Variants in BICRA observed in about 807,000 individuals in gnomAD.
BICRA encodes the protein BRD4-interacting chromatin-remodeling complex-associated protein.
A neutral mutation model predicts 96.9 loss-of-function variants in BICRA; 31 were observed. The observed-to-expected ratio is 0.32, with a 90% CI of 0.24 to 0.43. BICRA has a LOEUF of 0.43. Among genes scored for constraint, BICRA ranks in the 20% least tolerant of loss-of-function variants. BICRA has a pLI of 1.00. For missense variants in BICRA, 2,283 were observed against 2,190.3 expected, an observed-to-expected ratio of 1.04 and a Z score of -0.84; for synonymous variants, 1,350 against 1,071.8, an observed-to-expected ratio of 1.26 and a Z score of -5.07.
intron 1 of BICRA, among the ~76,000 whole-genome samples, chr19:47,627,812 C>G (rs1972162663): frequency 6.6e-6 from 1 of 152,120 alleles, no homozygotes; most frequent in Non-Finnish European, 1.5e-5. Context: ...CTCTGTTGCC[C>G]AGGCTGGAGT....
Position 47,694,110 on chromosome 19 carries a change from C to CCCCCCCCAA in BICRA, c.2284-3_2284-2insCCCCCAACC. 1 of 1,430,758 alleles carries CCCCCCCCAA rather than the reference C, an allele frequency of 7.0e-7. No individual in the cohort carries two copies. Among genetic ancestry groups the CCCCCCCCAA allele is most frequent in the Non-Finnish European group, 9.3e-7 (1 of 1,079,590 alleles). 88.6% of individuals were successfully genotyped at this position (1,430,758 alleles called of 1,614,324 possible). The stretch of plus-strand genomic sequence containing the variant: ...CCCTCCCCTCTCCCTCCCTCCCCTG[C>CCCCCCCCAA]CCAGATCCCGGCAGCGGCTCCGCTG... On this transcript the variant is annotated splice_polypyrimidine_tract_variant and splice_region_variant and intron_variant, in intron 7 of 14. Coordinates refer to ENST00000594866, the MANE Select transcript of BICRA (RefSeq NM_001394372.1).
intron 6 of BICRA, among the ~76,000 whole-genome samples, 190 bp downstream of exon 6, chr19:47,681,466 G>A (rs1973058539): frequency 6.6e-6 from 1 of 152,226 alleles, no homozygotes; most frequent in South Asian, 2.1e-4. Flanking sequence ...GAACTGGCAG[G>A]AAGATGGATT....
intron 1 of BICRA, among the ~76,000 whole-genome samples, chr19:47,630,912 CTTTTA>C (rs1358452310): frequency 6.6e-6 from 1 of 152,010 alleles, no homozygotes; most frequent in African/African-American, 2.4e-5. Flanking sequence ...TTGTTGTAGT[CTTTTA>C]TTTTTTTTCC....
chr19:47,697,780 G>C (rs2081219395), intron 11 of BICRA, among the ~76,000 whole-genome samples: 1 of 152,114 alleles, frequency 6.6e-6, no homozygotes. Flanking sequence ...GCCCGGCCTA[G>C]GTTGGTCTGA....
Position 47,648,085 on chromosome 19 carries a change from T to C in BICRA, c.-107-22358T>C, listed in dbSNP as rs371002052. Among the ~76,000 whole-genome samples the C allele has an allele frequency of 9.2e-5, 14 of 152,040 alleles. No homozygotes were observed. The East Asian group carries it at 2.1e-3, about 23-fold the overall frequency. ...GTGGAGCGTCTGCCTTCTCTCCGTC[T>C]CCCTGTTTTCCTGTTACCGTCTCCC... On this transcript the variant is annotated intron_variant, in intron 1 of 14. Coordinates refer to ENST00000594866, the MANE Select transcript of BICRA (RefSeq NM_001394372.1).
At chr19:47,647,563 G>T (rs951314065) in intron 1 of BICRA, among the ~76,000 whole-genome samples, 2 of 152,086 alleles carry the variant, frequency 1.3e-5, no homozygotes, top group African/African-American at 2.4e-5. Context: ...TCCATAGACA[G>T]TAGGTCCTGT....
Position 47,699,338 on chromosome 19 carries a change from C to T in BICRA, c.3528C>T (p.Asp1176=), listed in dbSNP as rs1307240177. Residue 1176 remains aspartate (D), a synonymous_variant, in exon 14 of 15, where the codon GAC becomes GAT. Transcript: ENST00000594866. This position sits in a 1 kb window ranked among gnomAD's most constrained non-coding sequence, Gnocchi z 5.0. ...CCTCAGCGGAGATGGTAATGATCGA[C>T]CGAATGTTCATTCAGGAGGAGAAGA... ...VSPSAEMVMI[D]RMFIQEEKTT... The T allele has an allele frequency of 1.3e-6, 2 of 1,570,042 alleles. No homozygotes were observed. The highest frequency in any genetic ancestry group is 1.7e-6 in the Non-Finnish European group (2 of 1,157,654).
intron 1 of BICRA, among the ~76,000 whole-genome samples, chr19:47,612,618 T>TG (rs548839643): frequency 4.1e-3 from 587 of 144,316 alleles, no homozygotes; most frequent in Non-Finnish European, 6.9e-3. Flanking sequence ...CTGTAGGGGC[T>TG]GGGGGGCTGA....
rs764672157 is a variant in BICRA, at chr19:47,680,371, G to A, written c.1201G>A (p.Ala401Thr). 12 of 1,530,318 alleles carry A rather than the reference G, an allele frequency of 7.8e-6. No homozygotes were observed. The Middle Eastern group carries it at 1.8e-3, about 235-fold the overall frequency. 94.8% of individuals were successfully genotyped at this position (1,530,318 alleles called of 1,614,324 possible). Reference protein sequence around the residue: ...PKAPQNLTFMAAGKAGQNVVL... With the variant: ...PKAPQNLTFMTAGKAGQNVVL... ...GGCCCCGCAGAACCTGACGTTCATG[G>A]CGGCGGGGAAGGCGGGCCAGAACGT... Residue 401 changes from alanine (A) to threonine (T), a missense_variant, in exon 6 of 15, where the codon GCG becomes ACG. Physicochemically the swap from Ala to Thr is moderately conservative, Grantham distance 58. Transcript: ENST00000594866.
intron 1 of BICRA, among the ~76,000 whole-genome samples, chr19:47,655,141 T>TAA (rs1972595545): frequency 1.3e-5 from 2 of 152,208 alleles, no homozygotes; most frequent in Non-Finnish European, 1.5e-5. Context: ...CCTGCTTTCT[T>TAA]ATTCTCTTAC....
At chr19:47,684,433 C>T (rs1043954522) in intron 7 of BICRA, among the ~76,000 whole-genome samples, 3 of 152,152 alleles carry the variant, frequency 2.0e-5, no homozygotes, top group African/African-American at 4.8e-5. Context: ...CCACCTGCCT[C>T]GGCCTCCCAA....
At chr19:47,672,378 A>G (rs1337425475) in intron 2 of BICRA, among the ~76,000 whole-genome samples, 2 of 140,946 alleles carry the variant, frequency 1.4e-5, no homozygotes, top group African/African-American at 5.5e-5. Context: ...GGGTAGGTAG[A>G]TGGATGGAAG....
chr19:47,647,635 C>T (rs1333254434), intron 1 of BICRA, among the ~76,000 whole-genome samples: 2 of 152,148 alleles, frequency 1.3e-5, no homozygotes, highest in African/African-American at 2.4e-5. Context: ...GTGTGGCCCA[C>T]GTTGCATGTT....
At chr19:47,644,647 C>T (rs1243220686) in intron 1 of BICRA, among the ~76,000 whole-genome samples, 4 of 151,924 alleles carry the variant, frequency 2.6e-5, no homozygotes, top group African/African-American at 4.8e-5. Context: ...ATTACAGGCG[C>T]CCGCCACTAT....
chr19:47,610,121 C>T (rs1023032765), intron 1 of BICRA, among the ~76,000 whole-genome samples: 3 of 152,186 alleles, frequency 2.0e-5, no homozygotes, highest in Non-Finnish European at 2.9e-5. Flanking sequence ...CCGGGGTGAG[C>T]CCGGACGAGC....
At position 47,702,125 on chromosome 19, in the gene BICRA, G is replaced by C. The variant is rs770319840; in HGVS notation, c.4393G>C (p.Glu1465Gln). Residue 1465 changes from glutamate to glutamine, a missense_variant, in exon 15 of 15, where the codon GAG becomes CAG. Physicochemically the swap from Glu to Gln is conservative, Grantham distance 29. Transcript: ENST00000594866. ...AAQGTGDPDW[E>Q]APGLPPAKRR... ...CCAAGGCACCGGGGACCCCGACTGG[G>C]AGGCGCCCGGGCTGCCCCCTGCCAA... 3 of 1,530,628 alleles carry C rather than the reference G, an allele frequency of 2.0e-6. No homozygotes were observed. In the African/African-American group the frequency reaches 4.2e-5, roughly 22 times the overall value. The allele number at this position is 1,530,628 out of a possible 1,614,324, so 94.8% of individuals were successfully genotyped here. A position where few individuals can be genotyped will look rare whatever the true frequency, so the allele number is the denominator to read the frequency against.
intron 1 of BICRA, among the ~76,000 whole-genome samples, chr19:47,611,823 C>G (rs960529397): frequency 6.6e-6 from 1 of 151,744 alleles, no homozygotes; most frequent in African/African-American, 2.4e-5. Context: ...ATTCAGCAGG[C>G]CGGGTACGCA....
At chr19:47,671,402 C>T (rs1224187366) in intron 2 of BICRA, among the ~76,000 whole-genome samples, 4 of 152,184 alleles carry the variant, frequency 2.6e-5, no homozygotes, top group Non-Finnish European at 5.9e-5. Context: ...GGTTTGGGAC[C>T]CCCTACCCCA....
At chr19:47,685,786 T>TGTGTGTGCGCGC in intron 7 of BICRA, among the ~76,000 whole-genome samples, 109 of 117,960 alleles carry the variant, frequency 9.2e-4, no homozygotes, top group African/African-American at 2.1e-3. Context: ...TGTGTGTGTG[T>TGTGTGTGCGCGC]GCGCGCGCGC....
Sources: allele counts gnomAD v4.1 joint callset (sites outside exome capture counted in the v4.1 genomes callset), GRCh38; gene constraint gnomAD v4.1.1; non-coding constraint Gnocchi (gnomAD v3.1); transcripts MANE v1.5; gene names NCBI Gene and HGNC (gene_info 2026-07-23, HGNC 2026-07-21).